VPS13A: variants seen among roughly 807,000 people sequenced by gnomAD.
VPS13A encodes the protein vacuolar protein sorting 13 homolog A.
In VPS13A, 264 loss-of-function variants were observed where a neutral mutation model predicts 390.9. The observed-to-expected ratio is 0.68, with a 90% confidence interval of 0.61 to 0.75. The LOEUF is 0.75. Among genes scored for constraint, VPS13A ranks in the 30% least tolerant of loss-of-function variants. VPS13A has a pLI of 0.00. For synonymous variants in VPS13A, 1,231 were observed against 1,227.1 expected, an observed-to-expected ratio of 1.00 and a Z score of -0.07; for missense variants, 3,409 against 3,733.9, an observed-to-expected ratio of 0.91 and a Z score of 2.27.
chr9:77,232,637 T>C (rs970974340), intron 17 of VPS13A, among the ~76,000 whole-genome samples: 2 of 152,156 alleles, frequency 1.3e-5, no homozygotes, highest in Non-Finnish European at 2.9e-5. Flanking sequence ...CTCACAATCA[T>C]GGCAGAAAGC....
chr9:77,261,198 C>G (rs1485657151), intron 23 of VPS13A, among the ~76,000 whole-genome samples: 5 of 152,078 alleles, frequency 3.3e-5, no homozygotes, highest in Non-Finnish European at 7.3e-5. Context: ...CGTGCCCGGC[C>G]TGTATTCTTT....
At chr9:77,202,113 T>G (rs2131110771) in intron 3 of VPS13A, among the ~76,000 whole-genome samples, 1 of 152,256 alleles carries the variant, frequency 6.6e-6, no homozygotes, top group Non-Finnish European at 1.5e-5. Context: ...TGTTGTCACT[T>G]GGGGAACAAA....
chr9:77,300,905 C>CA (rs1179519640), intron 33 of VPS13A, among the ~76,000 whole-genome samples: 1 of 152,180 alleles, frequency 6.6e-6, no homozygotes, highest in African/African-American at 2.4e-5. Flanking sequence ...TAAGTACTGA[C>CA]AAAAAGCAAA....
chr9:77,340,367 C>T (rs371496541), intron 49 of VPS13A, 37 bp from the exon 50 acceptor site: 1 of 1,606,774 alleles, frequency 6.2e-7, no homozygotes, highest in Admixed American at 1.7e-5. Context: ...AGATGTTATA[C>T]ATAACAGTTT....
chr9:77,367,454 C>T (rs189362740), intron 61 of VPS13A, among the ~76,000 whole-genome samples: 4 of 152,044 alleles, frequency 2.6e-5, no homozygotes, highest in African/African-American at 9.7e-5. Flanking sequence ...AAGTCCAACA[C>T]GAGGTAACAC....
intron 62 of VPS13A, 52 bp from the exon 63 acceptor site, chr9:77,369,246 GA>G (rs1163909176): frequency 7.1e-7 from 1 of 1,406,762 alleles, no homozygotes; most frequent in Non-Finnish European, 1.0e-6. Context: ...TAATGTATAA[GA>G]AAAAATAGAT....
rs1835274701 is a variant in VPS13A, at chr9:77,419,347, C to G, written c.*3341C>G. ...ATTGGTTCCTGAAATACTGTTTCAG[C>G]TAAATATTCTATTTACTGTGTATAC... On this transcript the variant is annotated 3_prime_UTR_variant, in exon 72 of 72. Transcript: ENST00000360280. The G allele has an allele frequency of 6.6e-6, 1 of 152,084 alleles. No individual in the cohort carries two copies. Among genetic ancestry groups the G allele is most frequent in the African/African-American group, 2.4e-5 (1 of 41,418 alleles). The allele number at this position is 152,084 out of a possible 1,614,324, so 9.4% of individuals were successfully genotyped here.
chr9:77,391,669 A>G (rs2131629875), intron 68 of VPS13A, among the ~76,000 whole-genome samples: 1 of 152,344 alleles, frequency 6.6e-6, no homozygotes, highest in East Asian at 1.9e-4. Flanking sequence ...TTCAAGTCTA[A>G]GTAGTTTGAG....
Position 77,264,151 on chromosome 9 carries a change from A to G in VPS13A, c.2427+3927A>G, listed in dbSNP as rs572288738. ...GGCCCCTGTTCTGTTCCATTGGTCT[A>G]TATCTCTGTTTTGGTACCAGTACCA... On this transcript the variant is annotated intron_variant, in intron 23 of 71. Transcript: ENST00000360280. Among the ~76,000 whole-genome samples, 17 of 152,170 alleles carry G rather than the reference A, an allele frequency of 1.1e-4. No homozygotes were observed. In the East Asian group the frequency reaches 1.9e-3, roughly 17 times the overall value.
chr9:77,301,757 T>C (rs1828369906), intron 33 of VPS13A, among the ~76,000 whole-genome samples: 1 of 152,190 alleles, frequency 6.6e-6, no homozygotes, highest in Non-Finnish European at 1.5e-5. Flanking sequence ...TTATAAGTGC[T>C]TGGAAAGGCA....
rs557675423 is a variant in VPS13A, at chr9:77,186,440, G to GT, written c.100+8644dup. ...TTCTGAAGAACTCCTTTATTTATTTGTTTTTTTTAATTTTTGAGATGGAGT... is the reference window on the plus strand; with the variant it reads ...TTCTGAAGAACTCCTTTATTTATTTGTTTTTTTTTAATTTTTGAGATGGAGT... On this transcript the variant is annotated intron_variant, in intron 1 of 71. Transcript: ENST00000360280. 2.7e-3 allele frequency among the ~76,000 whole-genome samples: 416 copies of GT among 151,576 alleles called. 3 individuals carry two copies. Among genetic ancestry groups the GT allele is most frequent in the African/African-American group, 8.7e-3 (361 of 41,302 alleles).
chr9:77,401,205 T>A (rs1834376978), intron 68 of VPS13A, among the ~76,000 whole-genome samples: 1 of 152,198 alleles, frequency 6.6e-6, no homozygotes, highest in Non-Finnish European at 1.5e-5. Context: ...TTCTCATTCT[T>A]CTTTCATAAT....
intron 55 of VPS13A, 28 bp downstream of exon 55, chr9:77,356,895 T>A: frequency 6.2e-7 from 1 of 1,611,568 alleles, no homozygotes; most frequent in Non-Finnish European, 8.5e-7. Flanking sequence ...TGATGTGAAG[T>A]TTTAATTTTT....
intron 46 of VPS13A, among the ~76,000 whole-genome samples, chr9:77,332,598 G>A (rs1182063935): frequency 6.6e-6 from 1 of 151,630 alleles, no homozygotes; most frequent in Non-Finnish European, 1.5e-5. Context: ...AATTTTTAAA[G>A]TAATTAAATT....
In VPS13A at chr9:77,360,604, A is replaced by G. The variant is rs1249554910; in HGVS notation, c.8174A>G (p.Asp2725Gly). The change falls in exon 59 of 72, where the codon GAC becomes GGC. Residue 2725 changes from aspartate (D) to glycine (G), a missense_variant. Physicochemically the swap from Asp to Gly is moderately conservative, Grantham distance 94. Coordinates refer to ENST00000360280, the MANE Select transcript of VPS13A (RefSeq NM_033305.3). Reference protein sequence around the residue: ...LDLGFIYALTDLMTEAEVTEN... With the variant: ...LDLGFIYALTGLMTEAEVTEN... ...CTTGGGTTTATCTATGCTTTAACAG[A>G]CCTTATGACAGAAGCTGAGGTGACT... The G allele has an allele frequency of 3.1e-6, 5 of 1,612,938 alleles. No individual in the cohort carries two copies. The highest frequency in any genetic ancestry group is 4.2e-6 in the Non-Finnish European group (5 of 1,179,382).
intron 58 of VPS13A, 92 bp from the exon 59 acceptor site, chr9:77,360,444 A>G (rs1417796855): frequency 4.2e-6 from 4 of 947,200 alleles, no homozygotes; most frequent in Non-Finnish European, 6.8e-6. Flanking sequence ...TCAAAGTTCT[A>G]ATATTGATCT....
chr9:77,414,770 A>T (rs528886582), intron 71 of VPS13A, among the ~76,000 whole-genome samples: 2 of 90,010 alleles, frequency 2.2e-5, no homozygotes, highest in Admixed American at 1.2e-4. Flanking sequence ...ATAATAATAA[A>T]AACTTAGAGT....
At chr9:77,226,320 C>A (rs567172557) in intron 14 of VPS13A, 146 bp from the exon 15 acceptor site, 3 of 712,094 alleles carry the variant, frequency 4.2e-6, no homozygotes, top group African/African-American at 1.8e-5. Flanking sequence ...ACTAATGTTG[C>A]AGTTTCTGTG....
At chr9:77,385,187 C>G in intron 68 of VPS13A, 1 of 916,908 alleles carries the variant, frequency 1.1e-6, no homozygotes, top group South Asian at 5.0e-5. Context: ...CATATGTAAT[C>G]TAAAGGAGTG....
Sources: gnomAD v4.1 joint callset for allele counts (sites outside exome capture counted in the v4.1 genomes callset) on GRCh38, gnomAD v4.1.1 for gene constraint, MANE v1.5 for transcripts, NCBI Gene and HGNC (gene_info 2026-07-23, HGNC 2026-07-21) for gene names.